The following EIF4G3 variants were observed in gnomAD, a reference collection of about 807,000 sequenced individuals.
EIF4G3 encodes eIF-4-gamma 3.
A neutral mutation model predicts 186.4 loss-of-function variants in EIF4G3; 34 were observed. The observed-to-expected ratio is 0.18, with a 90% CI of 0.14 to 0.24. The LOEUF is 0.24. Ranked by LOEUF, EIF4G3 falls within the 10% of genes least tolerant of loss-of-function variation. EIF4G3 has a pLI of 1.00. For synonymous variants in EIF4G3, 673 were observed against 679.5 expected, an observed-to-expected ratio of 0.99 and a Z score of 0.15; for missense variants, 1,536 against 1,948.5, an observed-to-expected ratio of 0.79 and a Z score of 3.99.
At chr1:20,940,983 A>G (rs906394870) in intron 14 of EIF4G3, among the ~76,000 whole-genome samples, 5 of 152,256 alleles carry the variant, frequency 3.3e-5, no homozygotes. Context: ...AATCAACAAC[A>G]GCATTATATT....
chr1:21,035,725 G>A (rs2093140103), intron 4 of EIF4G3, among the ~76,000 whole-genome samples: 1 of 152,264 alleles, frequency 6.6e-6, no homozygotes, highest in African/African-American at 2.4e-5. Context: ...TAACCTGGGG[G>A]CCATAGGCAG....
chr1:21,173,732 AAC>A, intron 2 of EIF4G3, among the ~76,000 whole-genome samples: 1 of 152,296 alleles, frequency 6.6e-6, no homozygotes, highest in Non-Finnish European at 1.5e-5. Context: ...ATTCAATGCA[AAC>A]ACAACTATAC....
At chr1:20,866,241 G>A (rs1254662453) in intron 20 of EIF4G3, among the ~76,000 whole-genome samples, 2 of 152,152 alleles carry the variant, frequency 1.3e-5, no homozygotes, top group East Asian at 3.9e-4. Context: ...AATGCACTTG[G>A]TCAGCTGTTG....
chr1:20,982,499 G>A (rs2154566820), intron 7 of EIF4G3, 91 bp from the exon 8 acceptor site: 2 of 851,440 alleles, frequency 2.3e-6, no homozygotes, highest in East Asian at 3.0e-5. Context: ...GAAATAGCAT[G>A]CAGCTCAACA....
At chr1:20,884,836 T>G (rs1040290094) in intron 19 of EIF4G3, among the ~76,000 whole-genome samples, 2 of 152,222 alleles carry the variant, frequency 1.3e-5, no homozygotes, top group Non-Finnish European at 2.9e-5. Context: ...TACTGAGAAT[T>G]TACTCTCTCT....
chr1:20,872,613 C>T (rs1394578944), intron 20 of EIF4G3, among the ~76,000 whole-genome samples: 1 of 151,854 alleles, frequency 6.6e-6, no homozygotes. Flanking sequence ...ACACTGAAAG[C>T]TTCTCAGAAG....
intron 34 of EIF4G3, among the ~76,000 whole-genome samples, chr1:20,817,114 G>A (rs1308289409): frequency 7.2e-6 from 1 of 138,324 alleles, no homozygotes; most frequent in African/African-American, 2.7e-5. Flanking sequence ...GCGGAAGGCC[G>A]CAGGGTCCTC....
At chr1:20,889,257 C>T (rs1354741608) in intron 18 of EIF4G3, among the ~76,000 whole-genome samples, 1 of 152,050 alleles carries the variant, frequency 6.6e-6, no homozygotes, top group Non-Finnish European at 1.5e-5. Flanking sequence ...TCAATATACA[C>T]CTAAATTTTT....
chr1:20,906,308 T>C (rs968588988), intron 14 of EIF4G3, among the ~76,000 whole-genome samples: 2 of 152,206 alleles, frequency 1.3e-5, no homozygotes, highest in African/African-American at 4.8e-5. Context: ...TTGTGGATCT[T>C]CTGATTTGAT....
chr1:21,174,819 G>A (rs1368930743), intron 2 of EIF4G3: 2 of 152,112 alleles, frequency 1.3e-5, no homozygotes, highest in Non-Finnish European at 2.9e-5. Flanking sequence ...CAGTACACAC[G>A]TCACACTGGA....
At chr1:20,836,815 A>G (rs3767239) in intron 30 of EIF4G3, among the ~76,000 whole-genome samples, 16,824 of 152,194 alleles carry the variant, frequency 0.11, 1,214 homozygotes, top group East Asian at 0.33. Flanking sequence ...TTTACTAGAC[A>G]GTTTTTAAAA....
chr1:20,999,670 A>C (rs1032155236), intron 6 of EIF4G3: 1 of 422,922 alleles, frequency 2.4e-6, no homozygotes, highest in East Asian at 7.2e-5. Flanking sequence ...AACTTAAGTT[A>C]GTAGGAAAGT....
chr1:21,113,758 G>T (rs1052045159), intron 2 of EIF4G3, among the ~76,000 whole-genome samples: 3 of 152,150 alleles, frequency 2.0e-5, no homozygotes, highest in African/African-American at 7.2e-5. Context: ...CTCATGACTT[G>T]TAATCCCAGT....
At chr1:20,919,913 CTT>C (rs556136216) in intron 14 of EIF4G3, among the ~76,000 whole-genome samples, 1 of 138,054 alleles carries the variant, frequency 7.2e-6, no homozygotes. Context: ...GGAGATAATT[CTT>C]TTTTTTTTTT....
At position 20,854,967 on chromosome 1, in the gene EIF4G3, C is replaced by T. The variant is rs1265232584; in HGVS notation, c.3433+11G>A. ...CCACAGCCAGGTTTGAGAAGGGACACACACACTTACCAGTCTCACTTGCCT... is the reference window on the plus strand; with the variant it reads ...CCACAGCCAGGTTTGAGAAGGGACATACACACTTACCAGTCTCACTTGCCT... On this transcript the variant is annotated intron_variant, in intron 26 of 36. Transcript: ENST00000602326. The T allele has an allele frequency of 8.7e-6, 14 of 1,611,284 alleles. No homozygotes were observed. The highest frequency in any genetic ancestry group is 1.1e-5 in the South Asian group (1 of 90,982).
rs553882350 is a variant in EIF4G3, at chr1:20,908,027, C to T, written c.1664-3056G>A. On this transcript the variant is annotated intron_variant, in intron 14 of 36. Coordinates refer to ENST00000602326, the MANE Select transcript of EIF4G3 (RefSeq NM_001391906.1). ...TCCCACCAACAGTGTAAAAGTGTTCCTATTTCTCCACATCCTCTCCAGCAC... is the reference window on the plus strand; with the variant it reads ...TCCCACCAACAGTGTAAAAGTGTTCTTATTTCTCCACATCCTCTCCAGCAC... 1.6e-3 allele frequency among the ~76,000 whole-genome samples: 241 copies of T among 152,044 alleles called. 3 individuals are homozygous for T. Among genetic ancestry groups the T allele is most frequent in the African/African-American group, 5.3e-3 (221 of 41,524 alleles).
At chr1:20,915,013 G>A (rs1352464504) in intron 14 of EIF4G3, among the ~76,000 whole-genome samples, 1 of 152,058 alleles carries the variant, frequency 6.6e-6, no homozygotes, top group African/African-American at 2.4e-5. Flanking sequence ...CAGTTATGTC[G>A]ATTCCTTATC....
rs932021860 is a variant in EIF4G3 at position 20,927,602 on chromosome 1, G to A, written c.1663+13889C>T. Among the ~76,000 whole-genome samples, 3 of 152,232 alleles carry A rather than the reference G, an allele frequency of 2.0e-5. No individual in the cohort carries two copies. In the South Asian group the frequency reaches 6.2e-4, roughly 32 times the overall value. On this transcript the variant is annotated intron_variant, in intron 14 of 36. Transcript: ENST00000602326. The stretch of plus-strand genomic sequence containing the variant: ...TGAACAGATGGGTGAATAAATGAAT[G>A]GTTAGATAGCTGGAAAGAAGAGACA...
intron 2 of EIF4G3, among the ~76,000 whole-genome samples, chr1:21,169,401 T>C (rs913500220): frequency 2.0e-5 from 3 of 151,968 alleles, no homozygotes; most frequent in Non-Finnish European, 2.9e-5. Flanking sequence ...TGACCCAAGA[T>C]TGTGCCACTG....
Sources: gnomAD v4.1 joint callset for allele counts (sites outside exome capture counted in the v4.1 genomes callset) on GRCh38, gnomAD v4.1.1 for gene constraint, MANE v1.5 for transcripts, NCBI Gene and HGNC (gene_info 2026-07-23, HGNC 2026-07-21) for gene names.